The following CADM2 variants were observed in gnomAD, a reference collection of about 807,000 sequenced individuals.
CADM2 encodes cell adhesion molecule 2.
In CADM2, 12 loss-of-function variants were observed where a neutral mutation model predicts 49.8. The observed-to-expected ratio is 0.24, with a 90% confidence interval of 0.15 to 0.39. The LOEUF is 0.39. CADM2 is among the 10% of genes least tolerant of loss of function. The pLI is 1.00. For synonymous variants in CADM2, 214 were observed against 175.4 expected (o/e 1.22, Z -1.74); for missense variants, 378 against 492.3 (o/e 0.77, Z 2.20).
intron 1 of CADM2, among the ~76,000 whole-genome samples, chr3:85,468,173 AAAAAAAAAC>A (rs1350470012): frequency 7.9e-5 from 12 of 151,418 alleles, no homozygotes; most frequent in African/African-American, 2.4e-4. Context: ...AAAAAAAAAA[AAAAAAAAAC>A]ATTGAGGCAG....
At chr3:85,152,003 T>C (rs1245024204) in intron 1 of CADM2, among the ~76,000 whole-genome samples, 2 of 152,184 alleles carry the variant, frequency 1.3e-5, no homozygotes, top group Admixed American at 6.5e-5. Flanking sequence ...CAAATATCAA[T>C]TGATGATAGT....
intron 8 of CADM2, among the ~76,000 whole-genome samples, chr3:85,966,973 A>T (rs1018600540): frequency 4.0e-5 from 6 of 151,724 alleles, no homozygotes; most frequent in African/African-American, 1.2e-4. Context: ...ACTGCTAGAG[A>T]TCTCTATGTG....
At chr3:85,494,007 T>A (rs2039783193) in intron 1 of CADM2, among the ~76,000 whole-genome samples, 2 of 152,168 alleles carry the variant, frequency 1.3e-5, no homozygotes, top group South Asian at 4.1e-4. Flanking sequence ...GGCCTAGAAA[T>A]GCCACGAGTT....
At chr3:85,155,509 C>CTG (rs1179050638) in intron 1 of CADM2, among the ~76,000 whole-genome samples, 1 of 152,090 alleles carries the variant, frequency 6.6e-6, no homozygotes, top group Non-Finnish European at 1.5e-5. Context: ...TAACACCCCA[C>CTG]TGTCAACATT....
At chr3:85,443,485 T>C (rs978606043) in intron 1 of CADM2, among the ~76,000 whole-genome samples, 1 of 152,176 alleles carries the variant, frequency 6.6e-6, no homozygotes, top group Non-Finnish European at 1.5e-5. Flanking sequence ...ATGCTTTCTC[T>C]TCTTTCTTTC....
At chr3:85,021,770 C>T (rs1366115352) in intron 1 of CADM2, among the ~76,000 whole-genome samples, 4 of 151,892 alleles carry the variant, frequency 2.6e-5, no homozygotes, top group Non-Finnish European at 5.9e-5. Flanking sequence ...GGCGAAACTC[C>T]GTCTCAAAAA....
At chr3:85,925,106 T>C (rs1390212957) in intron 6 of CADM2, among the ~76,000 whole-genome samples, 1 of 152,076 alleles carries the variant, frequency 6.6e-6, no homozygotes, top group Non-Finnish European at 1.5e-5. Context: ...ATTTTAAATG[T>C]CACTTTTCTA....
intron 1 of CADM2, chr3:84,960,309 A>AAAAAG (rs959991330): frequency 6.6e-6 from 1 of 152,238 alleles, no homozygotes; most frequent in African/African-American, 2.4e-5. Context: ...GGATTTAAAA[A>AAAAAG]AAAAGAAAAG....
chr3:85,082,393 G>T (rs1045399176), intron 1 of CADM2, among the ~76,000 whole-genome samples: 2 of 152,074 alleles, frequency 1.3e-5, no homozygotes, highest in African/African-American at 4.8e-5. Flanking sequence ...AATGCACAGG[G>T]CATATTATTT....
At chr3:85,202,451 T>G (rs1269247552) in intron 1 of CADM2, among the ~76,000 whole-genome samples, 1 of 152,170 alleles carries the variant, frequency 6.6e-6, no homozygotes, top group East Asian at 1.9e-4. Flanking sequence ...TCAGAGGTCT[T>G]AGGTGACTAA....
chr3:85,839,338 C>A (rs891135409), intron 3 of CADM2, among the ~76,000 whole-genome samples: 9 of 151,666 alleles, frequency 5.9e-5, no homozygotes, highest in Non-Finnish European at 1.3e-4. Flanking sequence ...TATGAAAATT[C>A]CTATTTTTAT....
intron 1 of CADM2, among the ~76,000 whole-genome samples, chr3:85,475,009 A>T (rs1417329593): frequency 6.6e-6 from 1 of 151,720 alleles, no homozygotes; most frequent in Non-Finnish European, 1.5e-5. Context: ...CAATCATGAA[A>T]CTCTCAGATC....
intron 7 of CADM2, among the ~76,000 whole-genome samples, chr3:85,958,642 C>T (rs190804624): frequency 2.6e-5 from 4 of 151,996 alleles, no homozygotes; most frequent in Admixed American, 2.0e-4. Context: ...AGACTTGGAA[C>T]CAGCACAAAT....
chr3:84,959,800 C>T (rs900499058), intron 1 of CADM2, 132 bp downstream of exon 1: 1 of 838,834 alleles, frequency 1.2e-6, no homozygotes, highest in South Asian at 1.6e-5. Flanking sequence ...CCCCTACTCT[C>T]TGGTGCGGCA....
intron 1 of CADM2, among the ~76,000 whole-genome samples, chr3:85,176,731 T>G (rs1052333656): frequency 6.6e-6 from 1 of 152,194 alleles, no homozygotes; most frequent in African/African-American, 2.4e-5. Context: ...GGTATCTGTT[T>G]GATGAAACTA....
rs569223384 is a variant in CADM2 at position 85,266,699 on chromosome 3, C to T, written c.61+307031C>T. 3.9e-5 allele frequency among the ~76,000 whole-genome samples: 6 copies of T among 151,904 alleles called. 1 individual carries two copies. The South Asian group carries it at 1.2e-3, about 31-fold the overall frequency. ...ATATAGGAACAGATATAAGGTATTT[C>T]ACATTGAACTGTGCTTAATGATCTA... On this transcript the variant is annotated intron_variant, in intron 1 of 9. Coordinates refer to ENST00000383699, the MANE Select transcript of CADM2 (RefSeq NM_001167675.2).
chr3:85,025,629 C>T (rs574533929), intron 1 of CADM2, among the ~76,000 whole-genome samples: 3 of 152,250 alleles, frequency 2.0e-5, no homozygotes, highest in South Asian at 4.1e-4. Flanking sequence ...TCAATAATAT[C>T]TCCCTTTGCA....
intron 1 of CADM2, among the ~76,000 whole-genome samples, chr3:85,127,279 T>C (rs191877765): frequency 9.2e-5 from 14 of 152,354 alleles, no homozygotes; most frequent in Admixed American, 7.2e-4. Flanking sequence ...AATGGAATAA[T>C]AGACCTACTG....
intron 8 of CADM2, among the ~76,000 whole-genome samples, chr3:86,009,125 G>A (rs1332002188): frequency 6.9e-6 from 1 of 144,136 alleles, no homozygotes; most frequent in African/African-American, 2.6e-5. Flanking sequence ...ATATATATAT[G>A]TGTATATAGA....
Sources: gnomAD v4.1 joint callset for allele counts (sites outside exome capture counted in the v4.1 genomes callset) on GRCh38, gnomAD v4.1.1 for gene constraint, MANE v1.5 for transcripts, NCBI Gene and HGNC (gene_info 2026-07-23, HGNC 2026-07-21) for gene names.